Variants in SNURF observed in about 807,000 individuals in gnomAD.
SNURF encodes SNRPN upstream open reading frame, also known as SNURF protein.
SNURF carries 6 observed loss-of-function variants against 11.6 expected under a neutral mutation model. The observed-to-expected ratio is 0.52, with a 90% CI of 0.28 to 1.02. SNURF has a LOEUF of 1.02. SNURF is among the 50% of genes least tolerant of loss of function. The pLI is 0.09. For missense variants in SNURF, 84 were observed against 88.4 expected, an observed-to-expected ratio of 0.95 and a Z score of 0.20; for synonymous variants, 29 against 31.6, an observed-to-expected ratio of 0.92 and a Z score of 0.27.
chr15:24,964,135 C>A (rs145336046), intron 2 of SNURF, among the ~76,000 whole-genome samples: 1 of 151,666 alleles, frequency 6.6e-6, no homozygotes, highest in African/African-American at 2.4e-5. Context: ...CCGATTTTTA[C>A]TATAGTGAGT....
exon 3 of SNURF, chr15:24,968,351 T>TA: frequency 3.7e-6 from 1 of 271,436 alleles, no homozygotes; most frequent in Non-Finnish European, 7.2e-6. Context: ...TATTTCACTA[T>TA]AAATGGCTCT....
intron 1 of SNURF, among the ~76,000 whole-genome samples, chr15:24,955,865 G>A (rs1336011985): frequency 6.6e-6 from 1 of 151,808 alleles, no homozygotes; most frequent in African/African-American, 2.4e-5. Flanking sequence ...CGGTGGGCAT[G>A]GCGGCCGCGG....
chr15:24,978,580 G>A, downstream of SNURF: 1 of 820,574 alleles, frequency 1.2e-6, no homozygotes, highest in Non-Finnish European at 2.1e-6. Context: ...CAATTAAACT[G>A]TGAGGTACTG....
At chr15:24,971,997 T>C (rs185242804), downstream of SNURF, among the ~76,000 whole-genome samples, 281 of 152,298 alleles carry the variant, frequency 1.8e-3, 2 homozygotes, top group African/African-American at 6.5e-3. Flanking sequence ...GGCTCATGCC[T>C]GTAATCCTAG....
downstream of SNURF, among the ~76,000 whole-genome samples, chr15:24,971,675 C>T (rs149688088): frequency 2.2e-3 from 338 of 152,202 alleles, no homozygotes; most frequent in African/African-American, 7.8e-3. Flanking sequence ...TATCCTATTG[C>T]TCAAGGTCAT....
chr15:24,972,350 A>C (rs1214531206), downstream of SNURF, among the ~76,000 whole-genome samples: 2 of 152,260 alleles, frequency 1.3e-5, no homozygotes, highest in African/African-American at 4.8e-5. Flanking sequence ...ATAATATTCA[A>C]AACTTCTAAG....
downstream of SNURF, among the ~76,000 whole-genome samples, chr15:24,971,538 G>GAT (rs1005122050): frequency 7.9e-5 from 12 of 150,990 alleles, no homozygotes; most frequent in East Asian, 1.7e-3. Flanking sequence ...ATTATATTAT[G>GAT]ATATATATAT....
At chr15:24,960,007 G>A (rs1001820885) in intron 1 of SNURF, among the ~76,000 whole-genome samples, 1 of 152,112 alleles carries the variant, frequency 6.6e-6, no homozygotes, top group Non-Finnish European at 1.5e-5. Flanking sequence ...GCTCATGCCT[G>A]TAATCCCAGC....
intron 1 of SNURF, among the ~76,000 whole-genome samples, chr15:24,961,002 T>A (rs1470921722): frequency 6.6e-6 from 1 of 152,214 alleles, no homozygotes; most frequent in Non-Finnish European, 1.5e-5. Context: ...ACTAGAAACT[T>A]AGCTGTATGT....
At chr15:24,970,355 G>A (rs946865199), downstream of SNURF, among the ~76,000 whole-genome samples, 4 of 152,194 alleles carry the variant, frequency 2.6e-5, no homozygotes, top group African/African-American at 9.7e-5. Flanking sequence ...TGAGGCAGGT[G>A]GATCACCTGA....
chr15:24,971,186 T>G (rs1952948763), downstream of SNURF, among the ~76,000 whole-genome samples: 1 of 152,218 alleles, frequency 6.6e-6, no homozygotes, highest in Admixed American at 6.5e-5. Context: ...AACTTGTGCT[T>G]CTGTGAGGGA....
intron 2 of SNURF, among the ~76,000 whole-genome samples, 182 bp from the exon 3 acceptor site, chr15:24,967,750 G>A (rs1300073450): frequency 6.7e-6 from 1 of 150,180 alleles, no homozygotes; most frequent in Non-Finnish European, 1.5e-5. Context: ...AGTGTTTGTG[G>A]TGAGCAGAAA....
chr15:24,976,477 T>C, intron 5 of SNURF: 1 of 1,135,222 alleles, frequency 8.8e-7, no homozygotes, highest in Non-Finnish European at 1.3e-6. Flanking sequence ...TTATGTGAGA[T>C]GTCTGAAATC....
exon 6 of SNURF, chr15:24,977,021 T>C: frequency 6.4e-7 from 1 of 1,569,912 alleles, no homozygotes; most frequent in East Asian, 2.3e-5. Flanking sequence ...TGGGGGACCA[T>C]CCCAGCAGGT....
At chr15:24,976,054 A>C (rs1002584500) in intron 4 of SNURF, among the ~76,000 whole-genome samples, 2 of 152,262 alleles carry the variant, frequency 1.3e-5, no homozygotes, top group Non-Finnish European at 2.9e-5. Context: ...TTCACAAAAG[A>C]AATTAGTCTT....
intron 1 of SNURF, among the ~76,000 whole-genome samples, chr15:24,956,352 A>G (rs1596160842): frequency 4.1e-5 from 3 of 72,446 alleles, no homozygotes; most frequent in Non-Finnish European, 9.1e-5. Flanking sequence ...CAAGCGCTTC[A>G]GCGGGGGGGT....
downstream of SNURF, among the ~76,000 whole-genome samples, chr15:24,970,981 A>G (rs1182006661): frequency 2.6e-5 from 4 of 152,158 alleles, no homozygotes; most frequent in Admixed American, 2.0e-4. Context: ...TTAAATTTTA[A>G]CAGATCAATA....
intron 2 of SNURF, 51 bp from the exon 3 acceptor site, chr15:24,967,881 A>G (rs368204113): frequency 6.2e-5 from 93 of 1,503,402 alleles, no homozygotes; most frequent in South Asian, 9.0e-5. Flanking sequence ...ATGGTTTCCT[A>G]TAAAGACAAA....
downstream of SNURF, among the ~76,000 whole-genome samples, chr15:24,969,746 T>G (rs2076162296): frequency 6.6e-6 from 1 of 152,220 alleles, no homozygotes; most frequent in African/African-American, 2.4e-5. Context: ...TATTCTAGTC[T>G]CAACTGCTAG....
Sources: gnomAD v4.1 joint callset for allele counts (sites outside exome capture counted in the v4.1 genomes callset) on GRCh38, gnomAD v4.1.1 for gene constraint, MANE v1.5 for transcripts, NCBI Gene and HGNC (gene_info 2026-07-23, HGNC 2026-07-21) for gene names.